CSMD1: variants seen among roughly 807,000 people sequenced by gnomAD.
CSMD1 encodes CUB and sushi domain-containing protein 1.
In CSMD1, 213 loss-of-function variants were observed where a neutral mutation model predicts 417.5. That is an observed-to-expected ratio of 0.51 (90% CI 0.46 to 0.57). The LOEUF (loss-of-function observed/expected upper bound fraction) is 0.57, where lower values mean the gene tolerates loss of function less well. CSMD1 is among the 20% of genes least tolerant of loss of function. The probability of loss-of-function intolerance (pLI) is 0.00; values close to 1 mark genes in which losing one functional copy is unlikely to be tolerated. For synonymous variants in CSMD1, 2,862 were observed against 1,736.8 expected (o/e 1.65, Z -16.11); for missense variants, 6,923 against 4,529.7 (o/e 1.53, Z -15.17).
intron 1 of CSMD1, among the ~76,000 whole-genome samples, chr8:4,859,915 T>C (rs1802024902): frequency 6.6e-6 from 1 of 152,112 alleles, no homozygotes; most frequent in African/African-American, 2.4e-5. Flanking sequence ...ACTGGGTATA[T>C]ACCCAAAGGA....
chr8:4,554,938 G>C (rs758918311), intron 2 of CSMD1, among the ~76,000 whole-genome samples: 3 of 152,172 alleles, frequency 2.0e-5, no homozygotes, highest in African/African-American at 7.2e-5. Context: ...ACGAATTCCT[G>C]TGGGATGGAG....
intron 1 of CSMD1, among the ~76,000 whole-genome samples, chr8:4,814,334 C>T (rs907325301): frequency 3.3e-5 from 5 of 152,144 alleles, no homozygotes; most frequent in Admixed American, 1.3e-4. Flanking sequence ...CAACCTCTGC[C>T]TCACAGGTTC....
rs1033356860 is a variant in CSMD1 at position 3,606,396 on chromosome 8, A to T, written c.1097+10314T>A. Among the ~76,000 whole-genome samples the T allele has an allele frequency of 7.2e-5, 11 of 152,200 alleles. No homozygotes were observed. The South Asian group carries it at 2.3e-3, about 31-fold the overall frequency. ...GGCATGTTACTGTACTGAGTACTGTAGGCAATTGAACACAATGGTAAGTGT... is the reference window on the plus strand; with the variant it reads ...GGCATGTTACTGTACTGAGTACTGTTGGCAATTGAACACAATGGTAAGTGT... On this transcript the variant is annotated intron_variant, in intron 8 of 69. Coordinates refer to ENST00000635120, the MANE Select transcript of CSMD1 (RefSeq NM_033225.6).
intron 5 of CSMD1, among the ~76,000 whole-genome samples, chr8:3,931,708 A>G (rs1214679464): frequency 6.7e-6 from 1 of 149,248 alleles, no homozygotes; most frequent in Admixed American, 6.7e-5. Flanking sequence ...AGTTTAGAAG[A>G]AGGACAGCAT....
At chr8:3,555,079 G>A (rs990590952) in intron 10 of CSMD1, among the ~76,000 whole-genome samples, 1 of 152,086 alleles carries the variant, frequency 6.6e-6, no homozygotes, top group African/African-American at 2.4e-5. Context: ...AGAGCCCTCG[G>A]CAAGTGCAGC....
chr8:3,510,714 G>C (rs969281192), intron 10 of CSMD1, among the ~76,000 whole-genome samples: 1 of 151,748 alleles, frequency 6.6e-6, no homozygotes, highest in East Asian at 1.9e-4. Context: ...ACTGGTGTGA[G>C]ATGGTATCTC....
At chr8:3,072,333 G>C (rs565405717) in intron 49 of CSMD1, among the ~76,000 whole-genome samples, 3 of 152,270 alleles carry the variant, frequency 2.0e-5, no homozygotes, top group East Asian at 3.9e-4. Flanking sequence ...CAAATGCTCT[G>C]AATTAGAATC....
chr8:4,802,736 A>C (rs1190410089), intron 1 of CSMD1, among the ~76,000 whole-genome samples: 1 of 152,194 alleles, frequency 6.6e-6, no homozygotes, highest in Non-Finnish European at 1.5e-5. Flanking sequence ...AGAATGTTTA[A>C]ATATGTCAAC....
intron 1 of CSMD1, among the ~76,000 whole-genome samples, chr8:4,829,913 GC>G (rs2117436157): frequency 6.6e-6 from 1 of 152,222 alleles, no homozygotes; most frequent in South Asian, 2.1e-4. Flanking sequence ...TGCCACCGTT[GC>G]CCTGTTTAGA....
At chr8:4,307,588 G>A (rs1050050133) in intron 3 of CSMD1, among the ~76,000 whole-genome samples, 3 of 152,148 alleles carry the variant, frequency 2.0e-5, no homozygotes, top group African/African-American at 7.2e-5. Flanking sequence ...ACAGAGTCCA[G>A]CCTCTGTACC....
chr8:3,071,932 T>C (rs538722698), intron 49 of CSMD1, among the ~76,000 whole-genome samples: 2 of 152,378 alleles, frequency 1.3e-5, no homozygotes, highest in African/African-American at 4.8e-5. Context: ...TCTACTGTTT[T>C]ACTCCTCATG....
chr8:4,896,076 C>A (rs776288317), intron 1 of CSMD1, among the ~76,000 whole-genome samples: 1 of 152,088 alleles, frequency 6.6e-6, no homozygotes, highest in East Asian at 1.9e-4. Flanking sequence ...TATTTAGAGG[C>A]CTTCCTCTGT....
intron 5 of CSMD1, among the ~76,000 whole-genome samples, chr8:3,861,454 C>A (rs1254944219): frequency 6.6e-6 from 1 of 152,264 alleles, no homozygotes; most frequent in Admixed American, 6.5e-5. Flanking sequence ...AATGAACAAC[C>A]TATAGCATTT....
intron 52 of CSMD1, among the ~76,000 whole-genome samples, chr8:3,011,955 A>G (rs1808420349): frequency 6.6e-6 from 1 of 152,180 alleles, no homozygotes; most frequent in African/African-American, 2.4e-5. Context: ...AGTGCCTGAG[A>G]GAGTGGATAC....
intron 28 of CSMD1, among the ~76,000 whole-genome samples, chr8:3,222,699 C>G (rs906346746): frequency 1.3e-5 from 2 of 152,122 alleles, no homozygotes; most frequent in Non-Finnish European, 2.9e-5. Flanking sequence ...TAACAAAACC[C>G]ACATAGATAT....
chr8:4,012,471 G>A (rs909825636), intron 4 of CSMD1, among the ~76,000 whole-genome samples: 1 of 152,092 alleles, frequency 6.6e-6, no homozygotes, highest in South Asian at 2.1e-4. Flanking sequence ...ATGCAGGTTT[G>A]TTACTTGCAT....
chr8:4,310,619 G>A (rs1273729285), intron 3 of CSMD1, among the ~76,000 whole-genome samples: 1 of 152,136 alleles, frequency 6.6e-6, no homozygotes, highest in African/African-American at 2.4e-5. Flanking sequence ...AACATGGTAT[G>A]TTAGGAAAAA....
intron 21 of CSMD1, among the ~76,000 whole-genome samples, chr8:3,348,612 C>T (rs544496291): frequency 1.2e-4 from 19 of 152,140 alleles, no homozygotes; most frequent in South Asian, 6.2e-4. Flanking sequence ...TCAACTGGGA[C>T]GCATTCAAAG....
At chr8:4,820,459 C>G (rs543799122) in intron 1 of CSMD1, among the ~76,000 whole-genome samples, 13 of 152,234 alleles carry the variant, frequency 8.5e-5, no homozygotes, top group Admixed American at 6.5e-4. Flanking sequence ...CACTGGTTTT[C>G]CTGTCAATGT....
Sources: gnomAD v4.1 joint callset for allele counts (sites outside exome capture counted in the v4.1 genomes callset) on GRCh38, gnomAD v4.1.1 for gene constraint, MANE v1.5 for transcripts, NCBI Gene and HGNC (gene_info 2026-07-23, HGNC 2026-07-21) for gene names.